Variants in IQGAP2 observed in about 807,000 individuals in gnomAD.
The protein encoded by IQGAP2 is ras GTPase-activating-like protein IQGAP2.
Under a neutral mutation model 201.3 loss-of-function variants are expected in IQGAP2, and 173 were observed. The ratio of observed to expected loss-of-function variants is 0.86; its 90% confidence interval spans 0.76 to 0.98. The LOEUF (loss-of-function observed/expected upper bound fraction) is 0.98, where lower values mean the gene tolerates loss of function less well. Ranked by LOEUF, IQGAP2 falls within the 50% of genes least tolerant of loss-of-function variation. The pLI, the probability that IQGAP2 is intolerant of heterozygous loss-of-function variation, is 0.00. For missense variants in IQGAP2, 1,687 were observed against 1,864.8 expected, an observed-to-expected ratio of 0.90 and a Z score of 1.76; for synonymous variants, 675 against 673.9, an observed-to-expected ratio of 1.00 and a Z score of -0.03.
intron 2 of IQGAP2, among the ~76,000 whole-genome samples, chr5:76,561,055 C>T (rs1391366860): frequency 4.6e-5 from 7 of 152,172 alleles, no homozygotes; most frequent in Non-Finnish European, 1.0e-4. Flanking sequence ...TATTGTACTG[C>T]ACTTACCCTT....
intron 2 of IQGAP2, among the ~76,000 whole-genome samples, chr5:76,519,835 C>T (rs1420118379): frequency 6.6e-6 from 1 of 152,092 alleles, no homozygotes; most frequent in Non-Finnish European, 1.5e-5. Context: ...GTTTTATTTG[C>T]TCATTTGGTA....
At chr5:76,579,424 C>A (rs1365436158) in intron 5 of IQGAP2, among the ~76,000 whole-genome samples, 1 of 144,852 alleles carries the variant, frequency 6.9e-6, no homozygotes, top group East Asian at 2.2e-4. Context: ...AGGCATCAGG[C>A]TAAACTTTCT....
chr5:76,576,979 C>T (rs967065962), intron 5 of IQGAP2, among the ~76,000 whole-genome samples: 2 of 152,142 alleles, frequency 1.3e-5, no homozygotes, highest in African/African-American at 2.4e-5. Flanking sequence ...ACTTGTGTTG[C>T]CTGATATTCT....
At chr5:76,543,526 G>A (rs889313915) in intron 2 of IQGAP2, among the ~76,000 whole-genome samples, 2 of 152,194 alleles carry the variant, frequency 1.3e-5, no homozygotes, top group Non-Finnish European at 2.9e-5. Flanking sequence ...TTGCCCAGGA[G>A]ATGGAGCTGG....
chr5:76,551,891 AG>A (rs1743573454), intron 2 of IQGAP2, among the ~76,000 whole-genome samples: 1 of 1,936 alleles, frequency 5.2e-4, no homozygotes, highest in African/African-American at 1.9e-3. Flanking sequence ...GGGGGAGGGG[AG>A]GGGGAGGGGA....
chr5:76,569,281 C>G (rs1744949504), intron 3 of IQGAP2, among the ~76,000 whole-genome samples: 1 of 152,160 alleles, frequency 6.6e-6, no homozygotes, highest in South Asian at 2.1e-4. Context: ...ATCACATCAT[C>G]TTTTTGGTCT....
intron 1 of IQGAP2, among the ~76,000 whole-genome samples, chr5:76,450,641 G>A (rs1753683559): frequency 6.6e-6 from 1 of 152,154 alleles, no homozygotes; most frequent in Non-Finnish European, 1.5e-5. Flanking sequence ...AGCTCAGCAT[G>A]TTTGGTTCAA....
At position 76,502,074 on chromosome 5, in the gene IQGAP2, G is replaced by T. The variant is rs562400578; in HGVS notation, c.146+40405G>T. Among the ~76,000 whole-genome samples the T allele has an allele frequency of 9.2e-5, 14 of 152,286 alleles. No individual in the cohort carries two copies. In the South Asian group the frequency reaches 2.9e-3, roughly 32 times the overall value. Reference sequence around the variant, plus strand: ...CTGTAAAGTCTAGAAGAATAAAATGGTTGCTATGGTTGCTGTGGCAGCTAC... The same window carrying T: ...CTGTAAAGTCTAGAAGAATAAAATGTTTGCTATGGTTGCTGTGGCAGCTAC... On this transcript the variant is annotated intron_variant, in intron 2 of 35. Transcript: ENST00000274364.
intron 21 of IQGAP2, among the ~76,000 whole-genome samples, chr5:76,664,610 C>T (rs914048389): frequency 1.3e-4 from 19 of 151,976 alleles, no homozygotes; most frequent in Middle Eastern, 3.2e-3. Context: ...TTGAACCTGG[C>T]AGGCAGAGGT....
chr5:76,639,967 G>A (rs911528951), intron 16 of IQGAP2, among the ~76,000 whole-genome samples: 6 of 152,258 alleles, frequency 3.9e-5, no homozygotes, highest in South Asian at 2.1e-4. Context: ...CAGCAGCATC[G>A]AAGATTTAAA....
intron 2 of IQGAP2, among the ~76,000 whole-genome samples, chr5:76,499,162 T>C (rs181641921): frequency 1.3e-5 from 2 of 152,318 alleles, no homozygotes; most frequent in East Asian, 3.9e-4. Flanking sequence ...CAATTATGAT[T>C]GTCTTAACAC....
intron 1 of IQGAP2, among the ~76,000 whole-genome samples, chr5:76,417,015 G>A (rs1417116486): frequency 5.3e-5 from 8 of 151,654 alleles, no homozygotes; most frequent in Non-Finnish European, 7.4e-5. Context: ...ATTTTTTTTT[G>A]TAGAAACAGT....
chr5:76,521,029 T>C (rs1438012340), intron 2 of IQGAP2, among the ~76,000 whole-genome samples: 3 of 152,174 alleles, frequency 2.0e-5, no homozygotes, highest in Admixed American at 1.3e-4. Context: ...TTTATCTAGA[T>C]TGTCTCTGAC....
At chr5:76,505,120 A>G (rs774884727) in intron 2 of IQGAP2, among the ~76,000 whole-genome samples, 68 of 152,166 alleles carry the variant, frequency 4.5e-4, no homozygotes, top group Non-Finnish European at 1.3e-4. Context: ...CCCTCACTAG[A>G]GTCTTAAGTC....
intron 1 of IQGAP2, among the ~76,000 whole-genome samples, chr5:76,418,594 GAA>G (rs1191675917): frequency 5.3e-4 from 14 of 26,316 alleles, no homozygotes; most frequent in African/African-American, 1.2e-3. Flanking sequence ...ACTCCATCTC[GAA>G]AAAAAAAAAA....
chr5:76,587,881 G>A (rs1746359146), intron 5 of IQGAP2, among the ~76,000 whole-genome samples: 1 of 151,616 alleles, frequency 6.6e-6, no homozygotes, highest in African/African-American at 2.4e-5. Flanking sequence ...AGAAGGTGGA[G>A]GTTGCAGTGG....
At chr5:76,540,203 G>A (rs965396362) in intron 2 of IQGAP2, among the ~76,000 whole-genome samples, 47 of 152,052 alleles carry the variant, frequency 3.1e-4, no homozygotes, top group African/African-American at 1.1e-3. Flanking sequence ...AGAAATGGAC[G>A]GTCAAAATAA....
At chr5:76,653,183 A>T (rs1752654320) in intron 18 of IQGAP2, among the ~76,000 whole-genome samples, 1 of 152,214 alleles carries the variant, frequency 6.6e-6, no homozygotes, top group African/African-American at 2.4e-5. Flanking sequence ...TTGCTTAAGC[A>T]TATTTAGAAT....
At chr5:76,435,648 G>A (rs1373267137) in intron 1 of IQGAP2, among the ~76,000 whole-genome samples, 1 of 152,046 alleles carries the variant, frequency 6.6e-6, no homozygotes, top group Non-Finnish European at 1.5e-5. Flanking sequence ...TTTTTGCTTA[G>A]GATTGCTTTG....
Sources: gnomAD v4.1 joint callset for allele counts (sites outside exome capture counted in the v4.1 genomes callset) on GRCh38, gnomAD v4.1.1 for gene constraint, MANE v1.5 for transcripts, NCBI Gene and HGNC (gene_info 2026-07-23, HGNC 2026-07-21) for gene names.